CDH12: variants seen among roughly 807,000 people sequenced by gnomAD.
CDH12 encodes cadherin 12.
Under a neutral mutation model 74.1 loss-of-function variants are expected in CDH12, and 41 were observed. That is an observed-to-expected ratio of 0.55 (90% CI 0.43 to 0.72). CDH12 has a LOEUF of 0.72. Ranked by LOEUF, CDH12 falls within the 30% of genes least tolerant of loss-of-function variation. CDH12 has a pLI of 0.00. For synonymous variants in CDH12, 399 were observed against 355.0 expected (o/e 1.12, Z -1.39); for missense variants, 945 against 977.2 (o/e 0.97, Z 0.44).
intron 3 of CDH12, among the ~76,000 whole-genome samples, chr5:22,240,667 G>C (rs1752715941): frequency 6.6e-6 from 1 of 152,122 alleles, no homozygotes; most frequent in Non-Finnish European, 1.5e-5. Flanking sequence ...CTGAGTAGCT[G>C]GGATTACAGG....
chr5:22,110,263 C>A (rs1311133455), intron 4 of CDH12, among the ~76,000 whole-genome samples: 1 of 152,120 alleles, frequency 6.6e-6, no homozygotes, highest in Non-Finnish European at 1.5e-5. Context: ...TGCCAGAGCA[C>A]CCTATTTAGG....
chr5:21,883,986 G>A, intron 6 of CDH12: 2 of 1,578,232 alleles, frequency 1.3e-6, no homozygotes, highest in Non-Finnish European at 1.7e-6. Context: ...AATTGGTATG[G>A]AAATTATTAA....
chr5:21,978,443 C>G (rs1343582709), intron 5 of CDH12, among the ~76,000 whole-genome samples: 1 of 152,090 alleles, frequency 6.6e-6, no homozygotes, highest in Non-Finnish European at 1.5e-5. Context: ...GCGCCCTGCC[C>G]TTCTTTGTTA....
intron 5 of CDH12, among the ~76,000 whole-genome samples, chr5:22,002,864 C>T (rs185157336): frequency 5.9e-5 from 9 of 152,166 alleles, no homozygotes; most frequent in Admixed American, 6.5e-5. Context: ...AAGTATGATT[C>T]TCTGAAGACT....
chr5:22,633,109 C>T (rs952312824), intron 1 of CDH12, among the ~76,000 whole-genome samples: 3 of 152,004 alleles, frequency 2.0e-5, no homozygotes, highest in East Asian at 1.9e-4. Context: ...GTAAAATGAA[C>T]CTTTCAAAAT....
At chr5:21,982,671 A>G (rs904449915) in intron 5 of CDH12, among the ~76,000 whole-genome samples, 1 of 151,686 alleles carries the variant, frequency 6.6e-6, no homozygotes, top group Non-Finnish European at 1.5e-5. Context: ...ATCAACATCT[A>G]ATTTGTTCTT....
intron 5 of CDH12, among the ~76,000 whole-genome samples, chr5:21,976,466 A>G (rs1301038204): frequency 6.7e-6 from 1 of 149,658 alleles, no homozygotes; most frequent in Non-Finnish European, 1.5e-5. Context: ...AATATTACAT[A>G]AAATAAAATA....
chr5:22,480,582 CAAAA>C (rs10712028), intron 2 of CDH12, among the ~76,000 whole-genome samples: 4 of 137,388 alleles, frequency 2.9e-5, no homozygotes. Context: ...AGCCCTATCT[CAAAA>C]AAAAAAAAAA....
intron 4 of CDH12, among the ~76,000 whole-genome samples, chr5:22,103,718 A>G (rs1744275852): frequency 6.6e-6 from 1 of 152,252 alleles, no homozygotes; most frequent in Non-Finnish European, 1.5e-5. Flanking sequence ...AAGGTTATAT[A>G]TCAAAGGCAG....
chr5:22,214,170 C>G (rs1302242149), intron 3 of CDH12, among the ~76,000 whole-genome samples: 1 of 151,974 alleles, frequency 6.6e-6, no homozygotes, highest in African/African-American at 2.4e-5. Context: ...TTCAGGGTAA[C>G]TGAATTGCTG....
intron 6 of CDH12, among the ~76,000 whole-genome samples, chr5:21,904,602 C>T (rs1753553536): frequency 6.6e-6 from 1 of 151,880 alleles, no homozygotes; most frequent in African/African-American, 2.4e-5. Flanking sequence ...GTCCCTGTCT[C>T]TACAAAATAA....
chr5:22,369,415 T>C (rs574759686), intron 3 of CDH12, among the ~76,000 whole-genome samples: 2 of 152,228 alleles, frequency 1.3e-5, no homozygotes, highest in East Asian at 1.9e-4. Context: ...ACCATTTTTT[T>C]CCTAGAAAAC....
At chr5:22,026,574 C>T (rs116235388) in intron 5 of CDH12, among the ~76,000 whole-genome samples, 372 of 152,196 alleles carry the variant, frequency 2.4e-3, no homozygotes, top group African/African-American at 8.6e-3. Flanking sequence ...AAACTCTTCC[C>T]CTTATTATAG....
At chr5:22,276,383 CGTGTTT>C (rs1203317936) in intron 3 of CDH12, among the ~76,000 whole-genome samples, 1 of 152,082 alleles carries the variant, frequency 6.6e-6, no homozygotes, top group African/African-American at 2.4e-5. Context: ...CCATAAGATA[CGTGTTT>C]CAAGCTCAAT....
intron 5 of CDH12, among the ~76,000 whole-genome samples, chr5:22,043,474 C>T (rs1739713737): frequency 6.6e-6 from 1 of 151,942 alleles, no homozygotes; most frequent in East Asian, 1.9e-4. Flanking sequence ...ATATGACAAA[C>T]CCACAGCTAA....
At chr5:22,363,498 T>C (rs1334497541) in intron 3 of CDH12, among the ~76,000 whole-genome samples, 1 of 152,166 alleles carries the variant, frequency 6.6e-6, no homozygotes, top group Admixed American at 6.6e-5. Flanking sequence ...GAAGAAGATA[T>C]TTCTGCTCCT....
chr5:22,459,149 T>TCTAC (rs1218583219), intron 2 of CDH12, among the ~76,000 whole-genome samples: 1 of 152,158 alleles, frequency 6.6e-6, no homozygotes, highest in Non-Finnish European at 1.5e-5. Flanking sequence ...AAATTAATTA[T>TCTAC]CTACCACTCA....
At chr5:22,616,968 A>G (rs947210439) in intron 1 of CDH12, among the ~76,000 whole-genome samples, 2 of 151,932 alleles carry the variant, frequency 1.3e-5, no homozygotes, top group African/African-American at 4.8e-5. Flanking sequence ...GGGCTCAAGT[A>G]ATCCTCCTGC....
chr5:22,631,700 A>G (rs1738594495), intron 1 of CDH12, among the ~76,000 whole-genome samples: 1 of 152,186 alleles, frequency 6.6e-6, no homozygotes. Context: ...TGCAGGCTGT[A>G]TAGGAAGCAT....
Sources: allele counts gnomAD v4.1 joint callset (sites outside exome capture counted in the v4.1 genomes callset), GRCh38; gene constraint gnomAD v4.1.1; transcripts MANE v1.5; gene names NCBI Gene and HGNC (gene_info 2026-07-23, HGNC 2026-07-21).